FBXO11: variants seen among roughly 807,000 people sequenced by gnomAD.
FBXO11 encodes the protein F-box protein 11, also known as F-box only protein 11.
Under a neutral mutation model 117.0 loss-of-function variants are expected in FBXO11, and 13 were observed. The ratio of observed to expected loss-of-function variants is 0.11; its 90% CI spans 0.07 to 0.18. The LOEUF is 0.18. FBXO11 is among the 10% of genes least tolerant of loss of function. The pLI is 1.00. For synonymous variants in FBXO11, 490 were observed against 380.5 expected (o/e 1.29, Z -3.35); for missense variants, 767 against 1,164.4 (o/e 0.66, Z 4.97).
intron 1 of FBXO11, among the ~76,000 whole-genome samples, chr2:47,887,629 G>C (rs572211984): frequency 1.3e-5 from 2 of 152,230 alleles, no homozygotes; most frequent in East Asian, 3.9e-4. Context: ...GTGAGGCTGA[G>C]GTGGGCGAAC....
At chr2:47,859,466 G>A (rs1448146398) in intron 1 of FBXO11, among the ~76,000 whole-genome samples, 1 of 152,154 alleles carries the variant, frequency 6.6e-6, no homozygotes, top group African/African-American at 2.4e-5. Flanking sequence ...GTGAAGAGAG[G>A]TTGGGAAAAA....
chr2:47,820,915 C>T (rs560802056), intron 13 of FBXO11, among the ~76,000 whole-genome samples: 5 of 152,160 alleles, frequency 3.3e-5, no homozygotes, highest in Non-Finnish European at 7.3e-5. Flanking sequence ...GAAGCGAAAG[C>T]CCAGGCACAT....
intron 1 of FBXO11, among the ~76,000 whole-genome samples, chr2:47,840,112 T>C (rs1396500104): frequency 6.6e-6 from 1 of 151,062 alleles, no homozygotes; most frequent in African/African-American, 2.4e-5. Flanking sequence ...CCCAGCTAAT[T>C]TTTTGTATTT....
chr2:47,843,004 T>A (rs563272864), intron 1 of FBXO11, among the ~76,000 whole-genome samples: 2 of 152,226 alleles, frequency 1.3e-5, no homozygotes, highest in African/African-American at 2.4e-5. Flanking sequence ...CAGGCTAGTC[T>A]CAAAACTGCT....
At chr2:47,849,644 T>C (rs1272577429) in intron 1 of FBXO11, among the ~76,000 whole-genome samples, 1 of 152,134 alleles carries the variant, frequency 6.6e-6, no homozygotes, top group African/African-American at 2.4e-5. Flanking sequence ...AAGCAGAAAG[T>C]ATTGAGGGAA....
intron 1 of FBXO11, among the ~76,000 whole-genome samples, chr2:47,856,105 C>T (rs1403221171): frequency 3.3e-5 from 5 of 152,048 alleles, no homozygotes. Context: ...AGTGGAATAC[C>T]GTCTCTAAAG....
chr2:47,841,042 C>A (rs1055876932), intron 1 of FBXO11, among the ~76,000 whole-genome samples: 5 of 151,680 alleles, frequency 3.3e-5, no homozygotes, highest in Non-Finnish European at 7.4e-5. Flanking sequence ...ACTAAAACTA[C>A]AAAAAATTAG....
At chr2:47,864,109 G>A (rs1292236549) in intron 1 of FBXO11, among the ~76,000 whole-genome samples, 1 of 152,104 alleles carries the variant, frequency 6.6e-6, no homozygotes, top group African/African-American at 2.4e-5. Context: ...GTTTACAAAG[G>A]CATGTGACTT....
chr2:47,850,784 T>G (rs1009220566), intron 1 of FBXO11, among the ~76,000 whole-genome samples: 1 of 152,238 alleles, frequency 6.6e-6, no homozygotes, highest in Non-Finnish European at 1.5e-5. Context: ...TTTCCTGTTA[T>G]GTATCACGTT....
chr2:47,853,879 TTA>T (rs901869705), intron 1 of FBXO11, among the ~76,000 whole-genome samples: 1 of 152,226 alleles, frequency 6.6e-6, no homozygotes, highest in African/African-American at 2.4e-5. Flanking sequence ...CTAAAAACTC[TTA>T]TGAGGTAGAA....
chr2:47,851,446 C>G (rs1334805110), intron 1 of FBXO11, among the ~76,000 whole-genome samples: 1 of 152,122 alleles, frequency 6.6e-6, no homozygotes, highest in African/African-American at 2.4e-5. Context: ...CCAGGCTGGT[C>G]TCGAATTCCT....
At position 47,807,019 on chromosome 2, in the gene FBXO11, G is replaced by A. The variant is rs1422772172; in HGVS notation, c.*1099C>T. Reference sequence around the variant, plus strand: ...ATTCTTATCTACCTTCTACATAATGGTTATTGAATACTCCACAATATATTA... The same window carrying A: ...ATTCTTATCTACCTTCTACATAATGATTATTGAATACTCCACAATATATTA... On this transcript the variant is annotated 3_prime_UTR_variant, in exon 23 of 23. Coordinates refer to ENST00000403359, the MANE Select transcript of FBXO11 (RefSeq NM_001190274.2). 6 of 654,922 alleles carry A rather than the reference G, an allele frequency of 9.2e-6. No homozygotes were observed. The highest frequency in any genetic ancestry group is 1.8e-5 in the African/African-American group (1 of 54,828). The allele number at this position is 654,922 out of a possible 1,614,324, so 40.6% of individuals were successfully genotyped here.
At chr2:47,893,536 G>A (rs370014063) in intron 1 of FBXO11, among the ~76,000 whole-genome samples, 6 of 152,080 alleles carry the variant, frequency 3.9e-5, no homozygotes, top group African/African-American at 1.4e-4. Context: ...TTAAAAACCA[G>A]AAGACAATGA....
At chr2:47,815,316 C>A (rs749958002) in intron 16 of FBXO11, among the ~76,000 whole-genome samples, 1 of 152,234 alleles carries the variant, frequency 6.6e-6, no homozygotes, top group African/African-American at 2.4e-5. Flanking sequence ...TGGGTATCCC[C>A]CTCGGGAATG....
intron 16 of FBXO11, among the ~76,000 whole-genome samples, chr2:47,815,739 G>C (rs575339215): frequency 6.6e-6 from 1 of 152,184 alleles, no homozygotes; most frequent in Admixed American, 6.5e-5. Context: ...AGCTGAGGGC[G>C]TAAGAATCCC....
intron 1 of FBXO11, among the ~76,000 whole-genome samples, chr2:47,875,661 T>C (rs992156241): frequency 6.6e-6 from 1 of 152,178 alleles, no homozygotes; most frequent in Non-Finnish European, 1.5e-5. Context: ...AACTGTAAGA[T>C]AGAATAATTT....
chr2:47,833,863 T>C (rs577703646), intron 7 of FBXO11, among the ~76,000 whole-genome samples: 3 of 152,028 alleles, frequency 2.0e-5, no homozygotes, highest in Non-Finnish European at 4.4e-5. Context: ...AGATGGGGTT[T>C]CACCATGTTG....
intron 1 of FBXO11, among the ~76,000 whole-genome samples, chr2:47,858,299 C>T (rs564270705): frequency 5.9e-5 from 9 of 152,040 alleles, no homozygotes; most frequent in African/African-American, 1.7e-4. Flanking sequence ...CGTGAGCCAC[C>T]GTGCCCAGCC....
At chr2:47,856,387 G>C (rs1674296366) in intron 1 of FBXO11, among the ~76,000 whole-genome samples, 1 of 152,188 alleles carries the variant, frequency 6.6e-6, no homozygotes. Context: ...GCAATTAATG[G>C]ACTATCTCAG....
Sources: gnomAD v4.1 joint callset for allele counts (sites outside exome capture counted in the v4.1 genomes callset) on GRCh38, gnomAD v4.1.1 for gene constraint, MANE v1.5 for transcripts, NCBI Gene and HGNC (gene_info 2026-07-23, HGNC 2026-07-21) for gene names.